VLDLR: variants seen among roughly 807,000 people sequenced by gnomAD.
The protein encoded by VLDLR is very low density lipoprotein receptor.
Under a neutral mutation model 112.7 loss-of-function variants are expected in VLDLR, and 81 were observed. The ratio of observed to expected loss-of-function variants is 0.72; its 90% CI spans 0.60 to 0.86. VLDLR has a LOEUF of 0.86. VLDLR is among the 40% of genes least tolerant of loss of function. VLDLR has a pLI of 0.00. For missense variants in VLDLR, 1,237 were observed against 1,099.4 expected (o/e 1.13, Z -1.77); for synonymous variants, 436 against 384.8 (o/e 1.13, Z -1.56).
chr9:2,646,217 G>A, intron 10 of VLDLR, 117 bp from the exon 11 acceptor site: 1 of 889,228 alleles, frequency 1.1e-6, no homozygotes, highest in Non-Finnish European at 1.8e-6. Context: ...GTGAGCTGTG[G>A]TGTTAACTGG....
intron 1 of VLDLR, among the ~76,000 whole-genome samples, chr9:2,626,525 C>T (rs889084960): frequency 1.2e-4 from 19 of 152,334 alleles, no homozygotes; most frequent in African/African-American, 4.1e-4. Context: ...TATTTTGAGT[C>T]TCTAAGCAAG....
intron 1 of VLDLR, among the ~76,000 whole-genome samples, chr9:2,626,804 T>G (rs1236447195): frequency 1.1e-5 from 1 of 94,718 alleles, no homozygotes; most frequent in East Asian, 3.0e-4. Context: ...ATTTGTGAGT[T>G]ACATCACAAG....
rs1818421607 is a variant in VLDLR, at chr9:2,652,951, T to TA, written c.2586+4dup. Reference sequence around the variant, plus strand: ...TCTGTTGGACACACGTACCCAGCAGTAAGTCAGCTTTGTGTCTTTATACAC... The same window carrying TA: ...TCTGTTGGACACACGTACCCAGCAGTAAAGTCAGCTTTGTGTCTTTATACAC... On this transcript the variant is annotated splice_region_variant and intron_variant, in intron 18 of 18. Coordinates refer to ENST00000382100, the MANE Select transcript of VLDLR (RefSeq NM_003383.5). 6.2e-7 allele frequency: 1 copy of TA among 1,613,930 alleles called. No homozygotes were observed. The highest frequency in any genetic ancestry group is 1.7e-5 in the Admixed American group (1 of 60,000).
At chr9:2,631,962 G>A (rs1303156679) in intron 1 of VLDLR, among the ~76,000 whole-genome samples, 1 of 151,996 alleles carries the variant, frequency 6.6e-6, no homozygotes, top group African/African-American at 2.4e-5. Context: ...AGGAAAATAG[G>A]TCCTTGAAGT....
In VLDLR at chr9:2,622,296, C is replaced by T. The variant is rs771042401; in HGVS notation, c.82+25C>T. The T allele has an allele frequency of 8.3e-6, 12 of 1,454,490 alleles. No homozygotes were observed. The Admixed American group carries it at 2.2e-4, about 26-fold the overall frequency. 90.1% of individuals were successfully genotyped at this position (1,454,490 alleles called of 1,614,324 possible). A position where few individuals can be genotyped will look rare whatever the true frequency, so the allele number is the denominator to read the frequency against. The stretch of plus-strand genomic sequence containing the variant: ...GGTGAGTGAGGACGCGCCCCTCCGC[C>T]GGCGGGCGGGACCCAGCCGGGGCAC... On this transcript the variant is annotated intron_variant, in intron 1 of 18. Coordinates refer to ENST00000382100, the MANE Select transcript of VLDLR (RefSeq NM_003383.5).
intron 1 of VLDLR, among the ~76,000 whole-genome samples, chr9:2,623,549 C>G (rs189429779): frequency 2.0e-5 from 3 of 152,362 alleles, no homozygotes; most frequent in Non-Finnish European, 4.4e-5. Flanking sequence ...TCGGGCAGCG[C>G]CTGGGGTTTT....
Position 2,647,544 on chromosome 9 carries a change from C to G in VLDLR, c.1774C>G (p.Arg592Gly). 2 of 1,614,146 alleles carry G rather than the reference C, an allele frequency of 1.2e-6. No individual in the cohort carries two copies. Among genetic ancestry groups the G allele is most frequent in the Non-Finnish European group, 1.7e-6 (2 of 1,180,002 alleles). The part of the protein sequence containing the change: ...EKAGMNGFDR[R>G]PLVTADIQWP... Reference sequence around the variant, plus strand: ...AGCAGGAATGAATGGATTCGATAGACGTCCACTGGTGACAGCGGATATCCA... The same window carrying G: ...AGCAGGAATGAATGGATTCGATAGAGGTCCACTGGTGACAGCGGATATCCA... Residue 592 changes from arginine (R) to glycine (G), a missense_variant, in exon 12 of 19, where the codon CGT becomes GGT. Transcript: ENST00000382100.
At position 2,622,036 on chromosome 9, in the gene VLDLR, C is replaced by G. The variant is rs985479340; in HGVS notation, c.-154C>G. On this transcript the variant is annotated 5_prime_UTR_variant, in exon 1 of 19. Transcript: ENST00000382100. ...GTAGGGGAGGGGGTGCCCTCTTCTT[C>G]CCCGCTCCCTTCCCCCGCCAACTCC... 1.2e-4 allele frequency: 92 copies of G among 746,766 alleles called. 1 individual carries two copies. The East Asian group carries it at 2.9e-3, about 24-fold the overall frequency. The allele number at this position is 746,766 out of a possible 1,614,324, so 46.3% of individuals were successfully genotyped here.
intron 1 of VLDLR, among the ~76,000 whole-genome samples, chr9:2,622,710 G>A (rs2130750044): frequency 6.6e-6 from 1 of 152,224 alleles, no homozygotes; most frequent in Middle Eastern, 3.4e-3. Flanking sequence ...GAGTGCGGGA[G>A]CGGACGGGGG....
chr9:2,647,627 A>G lies in VLDLR; in HGVS notation c.1822+35A>G, dbSNP rs370360800. 49 of 1,538,052 alleles carry G rather than the reference A, an allele frequency of 3.2e-5. 1 individual carries two copies. In the African/African-American group the frequency reaches 4.0e-4, roughly 12 times the overall value. ...TTCTTCCTTCTCGACCACCCACTCAACTATCTTCATAGTGTTTCCATTTAT... is the reference window on the plus strand; with the variant it reads ...TTCTTCCTTCTCGACCACCCACTCAGCTATCTTCATAGTGTTTCCATTTAT... On this transcript the variant is annotated intron_variant, in intron 12 of 18. Transcript: ENST00000382100.
At chr9:2,640,086 C>T in intron 3 of VLDLR, 105 bp downstream of exon 3, 1 of 1,594,998 alleles carries the variant, frequency 6.3e-7, no homozygotes, top group South Asian at 1.1e-5. Context: ...TCTTTGCCTG[C>T]CTTAAAGTTT....
chr9:2,622,189 C>T lies in VLDLR; in HGVS notation c.-1C>T. On this transcript the variant is annotated 5_prime_UTR_variant, in exon 1 of 19. Coordinates refer to ENST00000382100, the MANE Select transcript of VLDLR (RefSeq NM_003383.5). ...GCGGCGGCACCATCCAGGCGGGCAC[C>T]ATGGGCACGTCCGCGCTCTGGGCGC... The T allele has an allele frequency of 6.7e-7, 1 of 1,497,814 alleles. No individual in the cohort carries two copies. The highest frequency in any genetic ancestry group is 8.9e-7 in the Non-Finnish European group (1 of 1,129,938). The allele number at this position is 1,497,814 out of a possible 1,614,324, so 92.8% of individuals were successfully genotyped here.
rs1817573764 is a variant in VLDLR at position 2,635,699 on chromosome 9, C to G, written c.202+127C>G. The stretch of plus-strand genomic sequence containing the variant: ...TTGCTTTGAAAGAATCTATACTTCT[C>G]TGTGTAAAGGAATAAAATTGAATGT... On this transcript the variant is annotated intron_variant, in intron 2 of 18. Coordinates refer to ENST00000382100, the MANE Select transcript of VLDLR (RefSeq NM_003383.5). 11 of 1,422,942 alleles carry G rather than the reference C, an allele frequency of 7.7e-6. No individual in the cohort carries two copies. The East Asian group carries it at 2.3e-4, about 30-fold the overall frequency. The allele number at this position is 1,422,942 out of a possible 1,614,324, so 88.1% of individuals were successfully genotyped here. A position where few individuals can be genotyped will look rare whatever the true frequency, so the allele number is the denominator to read the frequency against.
chr9:2,643,893 AT>A lies in VLDLR; in HGVS notation c.1001del (p.Ile334ThrfsTer19). 6.2e-7 allele frequency: 1 copy of A among 1,614,178 alleles called. No homozygotes were observed. The highest frequency in any genetic ancestry group is 8.5e-7 in the Non-Finnish European group (1 of 1,180,034). On this transcript the variant is annotated frameshift_variant, in exon 7 of 19. Transcript: ENST00000382100. LOFTEE classifies it high-confidence loss of function. Reference sequence around the variant, plus strand: ...GTGCAGAAGTGGAGAATGCATAGATATCAGCAAAGTATGTAACCAGGAGCAG... The same window carrying A: ...GTGCAGAAGTGGAGAATGCATAGATACAGCAAAGTATGTAACCAGGAGCAG... ...FKCRSGECID[I>X]SKVCNQEQDC...
chr9:2,622,778 C>T (rs1046483532), intron 1 of VLDLR, among the ~76,000 whole-genome samples: 2 of 152,242 alleles, frequency 1.3e-5, no homozygotes, highest in South Asian at 2.1e-4. Context: ...GCTTCAGAGT[C>T]TTCCGGCGGC....
intron 9 of VLDLR, 51 bp downstream of exon 9, chr9:2,645,133 T>C: frequency 6.2e-7 from 1 of 1,613,098 alleles, no homozygotes; most frequent in Non-Finnish European, 8.5e-7. Flanking sequence ...AGTAAGTGCC[T>C]CTAAAAGGTA....
intron 4 of VLDLR, among the ~76,000 whole-genome samples, chr9:2,642,754 G>T (rs1367576012): frequency 1.3e-5 from 2 of 152,278 alleles, no homozygotes; most frequent in East Asian, 1.9e-4. Flanking sequence ...AATGCTTGTT[G>T]TGAGTATTAC....
chr9:2,643,019 G>T, intron 4 of VLDLR, 141 bp from the exon 5 acceptor site: 1 of 1,279,002 alleles, frequency 7.8e-7, no homozygotes, highest in South Asian at 1.3e-5. Context: ...AAAAGTTCTT[G>T]ATTTAACTCC....
intron 5 of VLDLR, 36 bp from the exon 6 acceptor site, chr9:2,643,592 G>T (rs751709227): frequency 1.2e-6 from 2 of 1,614,188 alleles, no homozygotes; most frequent in East Asian, 2.2e-5. Context: ...GGGACAATTT[G>T]CTGGCTTCAT....
Sources: gnomAD v4.1 joint callset for allele counts (sites outside exome capture counted in the v4.1 genomes callset) on GRCh38, gnomAD v4.1.1 for gene constraint, MANE v1.5 for transcripts, NCBI Gene and HGNC (gene_info 2026-07-23, HGNC 2026-07-21) for gene names.